The following PTPN4 variants were observed in gnomAD, a reference collection of about 807,000 sequenced individuals.
PTPN4 encodes protein tyrosine phosphatase non-receptor type 4.
A neutral mutation model predicts 135.5 loss-of-function variants in PTPN4; 49 were observed. The observed-to-expected ratio is 0.36, with a 90% confidence interval of 0.29 to 0.46. PTPN4 has a LOEUF of 0.46. PTPN4 is among the 20% of genes least tolerant of loss of function. The pLI is 1.00. For missense variants in PTPN4, 860 were observed against 1,101.0 expected (o/e 0.78, Z 3.10); for synonymous variants, 333 against 369.9 (o/e 0.90, Z 1.14).
chr2:119,789,382 G>T (rs930591943), intron 1 of PTPN4, among the ~76,000 whole-genome samples: 3 of 152,014 alleles, frequency 2.0e-5, no homozygotes, highest in East Asian at 3.8e-4. Flanking sequence ...TTTAAAAATC[G>T]CTTTCTTGAT....
intron 26 of PTPN4, among the ~76,000 whole-genome samples, chr2:119,968,285 C>T (rs182275224): frequency 1.6e-4 from 25 of 152,262 alleles, no homozygotes; most frequent in African/African-American, 4.8e-4. Flanking sequence ...TATTTAATAT[C>T]TGGCCTTTTA....
chr2:119,957,744 T>C (rs1235631463), intron 22 of PTPN4, among the ~76,000 whole-genome samples: 1 of 152,210 alleles, frequency 6.6e-6, no homozygotes, highest in Non-Finnish European at 1.5e-5. Context: ...GTTTCAGCAC[T>C]TGTCAACTGA....
At chr2:119,804,291 T>A (rs79360983) in intron 1 of PTPN4, among the ~76,000 whole-genome samples, 3 of 152,196 alleles carry the variant, frequency 2.0e-5, no homozygotes, top group South Asian at 2.1e-4. Context: ...TTTTTTTTTT[T>A]AATTATACTT....
At chr2:119,824,782 G>T (rs1014757261) in intron 2 of PTPN4, among the ~76,000 whole-genome samples, 1 of 152,110 alleles carries the variant, frequency 6.6e-6, no homozygotes, top group Non-Finnish European at 1.5e-5. Flanking sequence ...CTGCCTCCCA[G>T]GTTCAAGCAC....
chr2:119,952,868 G>C (rs191484002), intron 19 of PTPN4, among the ~76,000 whole-genome samples: 1 of 152,192 alleles, frequency 6.6e-6, no homozygotes, highest in Admixed American at 6.5e-5. Context: ...AGAGCACTTT[G>C]TGGCTCCTGA....
At chr2:119,761,737 T>G (rs1690505580) in intron 1 of PTPN4, among the ~76,000 whole-genome samples, 1 of 152,234 alleles carries the variant, frequency 6.6e-6, no homozygotes, top group African/African-American at 2.4e-5. Context: ...CAGTCTATTT[T>G]GTACATGGGA....
At chr2:119,957,209 T>A in intron 22 of PTPN4, 132 bp downstream of exon 22, 2 of 825,238 alleles carry the variant, frequency 2.4e-6, no homozygotes, top group Non-Finnish European at 3.7e-6. Flanking sequence ...ATTATTGAAG[T>A]AATATTAAAG....
chr2:119,973,336 TTTCC>T (rs1679564007), intron 26 of PTPN4, among the ~76,000 whole-genome samples: 1 of 152,190 alleles, frequency 6.6e-6, no homozygotes, highest in Non-Finnish European at 1.5e-5. Flanking sequence ...TAAGTCAGAA[TTTCC>T]TTCCTTTCTA....
At chr2:119,966,177 G>A (rs948508782) in intron 25 of PTPN4, among the ~76,000 whole-genome samples, 3 of 152,106 alleles carry the variant, frequency 2.0e-5, no homozygotes, top group Admixed American at 2.0e-4. Flanking sequence ...GGGACAGAAG[G>A]GGTGAACCCA....
chr2:119,880,356 T>C (rs1367747623), intron 5 of PTPN4, among the ~76,000 whole-genome samples: 1 of 152,188 alleles, frequency 6.6e-6, no homozygotes, highest in East Asian at 1.9e-4. Flanking sequence ...TACAATATTA[T>C]GGCAAGGATA....
chr2:119,880,358 G>T (rs1392228666), intron 5 of PTPN4, among the ~76,000 whole-genome samples: 1 of 152,080 alleles, frequency 6.6e-6, no homozygotes, highest in African/African-American at 2.4e-5. Context: ...CAATATTATG[G>T]CAAGGATATG....
At chr2:119,938,761 CAG>C (rs1011900919) in intron 15 of PTPN4, among the ~76,000 whole-genome samples, 10 of 151,642 alleles carry the variant, frequency 6.6e-5, no homozygotes, top group African/African-American at 9.7e-5. Flanking sequence ...CAGATACTGA[CAG>C]GGGTGGGGGA....
chr2:119,896,678 G>A (rs1678328551), intron 9 of PTPN4, among the ~76,000 whole-genome samples: 1 of 152,122 alleles, frequency 6.6e-6, no homozygotes, highest in African/African-American at 2.4e-5. Flanking sequence ...TTGCTGGAAT[G>A]ATTTTATAAA....
chr2:119,862,134 G>A (rs530249984), intron 2 of PTPN4, among the ~76,000 whole-genome samples: 3 of 152,144 alleles, frequency 2.0e-5, no homozygotes, highest in African/African-American at 4.8e-5. Context: ...AAAAAATATC[G>A]TGATAGCCTG....
rs776500110 is a variant in PTPN4 at position 119,967,990 on chromosome 2, T to C, written c.2694+18T>C. 6.6e-6 allele frequency: 10 copies of C among 1,513,122 alleles called. No homozygotes were observed. The African/African-American group carries it at 8.3e-5, about 13-fold the overall frequency. The allele number at this position is 1,513,122 out of a possible 1,614,324, so 93.7% of individuals were successfully genotyped here. A position where few individuals can be genotyped will look rare whatever the true frequency, so the allele number is the denominator to read the frequency against. ...AAACACCTGTGAGTACTGTACTTTA[T>C]ATACAAGTGTATATTCTTAACATGA... On this transcript the variant is annotated intron_variant, in intron 26 of 26. Transcript: ENST00000263708.
chr2:119,836,168 G>C (rs1015610868), intron 2 of PTPN4, among the ~76,000 whole-genome samples: 1 of 151,976 alleles, frequency 6.6e-6, no homozygotes, highest in African/African-American at 2.4e-5. Flanking sequence ...GTGAAGATAC[G>C]CATACATGCA....
chr2:119,810,624 G>C (rs906525898), intron 2 of PTPN4, among the ~76,000 whole-genome samples: 51 of 151,972 alleles, frequency 3.4e-4, no homozygotes, highest in African/African-American at 1.2e-3. Context: ...TCCACTTTGG[G>C]CTCTTACAAA....
At chr2:119,905,735 A>C (rs1335299679) in intron 10 of PTPN4, among the ~76,000 whole-genome samples, 1 of 152,218 alleles carries the variant, frequency 6.6e-6, no homozygotes, top group Non-Finnish European at 1.5e-5. Context: ...GTCTCAAAAA[A>C]ATTTTTAAAT....
At chr2:119,868,060 C>T (rs1226534209) in intron 3 of PTPN4, among the ~76,000 whole-genome samples, 1 of 152,052 alleles carries the variant, frequency 6.6e-6, no homozygotes, top group Non-Finnish European at 1.5e-5. Flanking sequence ...TTGAGTTTTT[C>T]CCCTAAATCA....
Sources: gnomAD v4.1 joint callset for allele counts (sites outside exome capture counted in the v4.1 genomes callset) on GRCh38, gnomAD v4.1.1 for gene constraint, MANE v1.5 for transcripts, NCBI Gene and HGNC (gene_info 2026-07-23, HGNC 2026-07-21) for gene names.